The following ADAM12 variants were observed in gnomAD, a reference collection of about 807,000 sequenced individuals.
ADAM12 encodes the protein ADAM metallopeptidase domain 12, also known as disintegrin and metalloproteinase domain-containing protein 12.
In ADAM12, 70 loss-of-function variants were observed where a neutral mutation model predicts 106.4. That is an observed-to-expected ratio of 0.66 (90% CI 0.54 to 0.80). The LOEUF is 0.80. Ranked by LOEUF, ADAM12 falls within the 30% of genes least tolerant of loss-of-function variation. The pLI, the probability that ADAM12 is intolerant of heterozygous loss-of-function variation, is 0.00. For missense variants in ADAM12, 1,010 were observed against 1,171.9 expected (o/e 0.86, Z 2.02); for synonymous variants, 420 against 433.5 (o/e 0.97, Z 0.39).
intron 3 of ADAM12, among the ~76,000 whole-genome samples, chr10:126,193,294 G>C: frequency 1.3e-5 from 1 of 74,574 alleles, no homozygotes; most frequent in East Asian, 4.6e-4. Context: ...AAAAAAAAAA[G>C]ACAAACCATA....
At position 126,022,829 on chromosome 10, in the gene ADAM12, G is replaced by C. The variant is rs553451899; in HGVS notation, c.2530-3004C>G. ...TTTTATGCCCTCTTAACTTCTTCCA[G>C]ATATTGAAGAAAAATCCAGGTATGC... is the stretch of plus-strand genomic sequence containing the variant. On this transcript the variant is annotated intron_variant, in intron 21 of 22. Transcript: ENST00000448723. Among the ~76,000 whole-genome samples, 6 of 152,300 alleles carry C rather than the reference G, an allele frequency of 3.9e-5. No individual in the cohort carries two copies. The East Asian group carries it at 5.8e-4, about 15-fold the overall frequency.
chr10:126,163,520 A>C (rs1037572531), intron 3 of ADAM12, among the ~76,000 whole-genome samples: 2 of 152,260 alleles, frequency 1.3e-5, no homozygotes, highest in Non-Finnish European at 2.9e-5. Context: ...ATTGACTCAA[A>C]ACATGAATGA....
intron 18 of ADAM12, chr10:126,041,816 G>A: frequency 8.6e-7 from 1 of 1,169,464 alleles, no homozygotes; most frequent in Non-Finnish European, 1.1e-6. Flanking sequence ...CCAGACTTTT[G>A]AGTCCTCTTC....
chr10:126,176,527 C>T (rs1957222365), intron 3 of ADAM12, among the ~76,000 whole-genome samples: 1 of 152,214 alleles, frequency 6.6e-6, no homozygotes, highest in Admixed American at 6.5e-5. Context: ...TGCAAGAACT[C>T]TGAATCACTC....
intron 1 of ADAM12, among the ~76,000 whole-genome samples, chr10:126,387,304 C>T (rs899182910): frequency 3.3e-5 from 5 of 152,076 alleles, no homozygotes; most frequent in Admixed American, 3.3e-4. Flanking sequence ...GGCTACAACT[C>T]GGGAAAACCT....
intron 3 of ADAM12, among the ~76,000 whole-genome samples, chr10:126,255,816 G>A (rs1340914574): frequency 6.6e-6 from 1 of 152,188 alleles, no homozygotes; most frequent in African/African-American, 2.4e-5. Flanking sequence ...TGTCTGCACA[G>A]AGGCAGCAGA....
intron 6 of ADAM12, among the ~76,000 whole-genome samples, 156 bp from the exon 7 acceptor site, chr10:126,109,996 T>G (rs1368125214): frequency 6.6e-6 from 1 of 151,836 alleles, no homozygotes; most frequent in East Asian, 1.9e-4. Flanking sequence ...TTACCCCAAC[T>G]CCAACCAACT....
At chr10:126,317,531 G>A (rs1308286312) in intron 2 of ADAM12, among the ~76,000 whole-genome samples, 1 of 152,162 alleles carries the variant, frequency 6.6e-6, no homozygotes, top group Non-Finnish European at 1.5e-5. Flanking sequence ...CAGAAAGGCA[G>A]CCTTGAGGCA....
chr10:126,306,939 A>T (rs1025666671), intron 2 of ADAM12, among the ~76,000 whole-genome samples: 19 of 152,190 alleles, frequency 1.2e-4, no homozygotes, highest in Non-Finnish European at 2.9e-5. Context: ...TTATCTCCTT[A>T]GACATTGCTT....
At chr10:126,317,034 C>T (rs1199474527) in intron 2 of ADAM12, among the ~76,000 whole-genome samples, 3 of 152,108 alleles carry the variant, frequency 2.0e-5, no homozygotes, top group Admixed American at 6.6e-5. Flanking sequence ...GTTAAATTCA[C>T]GCTGGTGGGT....
chr10:126,362,210 G>A (rs1420544138), intron 1 of ADAM12, among the ~76,000 whole-genome samples: 1 of 151,956 alleles, frequency 6.6e-6, no homozygotes, highest in African/African-American at 2.4e-5. Context: ...TAATCATTAG[G>A]GAAATGCCAA....
intron 3 of ADAM12, among the ~76,000 whole-genome samples, chr10:126,214,229 A>G (rs1224431030): frequency 6.6e-6 from 1 of 152,240 alleles, no homozygotes; most frequent in Non-Finnish European, 1.5e-5. Flanking sequence ...CACCAGATGC[A>G]GAATGACAAG....
chr10:126,149,937 T>C (rs567395927), intron 4 of ADAM12, among the ~76,000 whole-genome samples: 2 of 152,318 alleles, frequency 1.3e-5, no homozygotes, highest in East Asian at 3.9e-4. Flanking sequence ...CCTTCATATA[T>C]ACATCTGTCC....
At chr10:126,044,866 G>T (rs1048865828) in intron 17 of ADAM12, among the ~76,000 whole-genome samples, 1 of 152,206 alleles carries the variant, frequency 6.6e-6, no homozygotes, top group African/African-American at 2.4e-5. Context: ...TGCTGTGGAC[G>T]TACTAGCCCC....
At chr10:126,099,777 G>A (rs1055579873) in intron 9 of ADAM12, among the ~76,000 whole-genome samples, 2 of 152,146 alleles carry the variant, frequency 1.3e-5, no homozygotes, top group African/African-American at 4.8e-5. Flanking sequence ...GTGACAATGG[G>A]GTAGGACTGG....
At chr10:126,024,315 CTT>C (rs1439095722) in intron 21 of ADAM12, among the ~76,000 whole-genome samples, 1 of 152,084 alleles carries the variant, frequency 6.6e-6, no homozygotes, top group Non-Finnish European at 1.5e-5. Flanking sequence ...ATATCTGAAA[CTT>C]AAATAGGCAT....
intron 10 of ADAM12, among the ~76,000 whole-genome samples, chr10:126,094,988 A>G (rs1272097724): frequency 6.6e-6 from 1 of 152,220 alleles, no homozygotes; most frequent in African/African-American, 2.4e-5. Flanking sequence ...TTACAAACTG[A>G]AATTAGTTAA....
intron 6 of ADAM12, among the ~76,000 whole-genome samples, chr10:126,113,226 G>A (rs775548087): frequency 9.9e-5 from 15 of 152,160 alleles, no homozygotes; most frequent in African/African-American, 1.4e-4. Flanking sequence ...GCAACAGGCC[G>A]TATGGCTGGA....
intron 1 of ADAM12, among the ~76,000 whole-genome samples, chr10:126,356,025 G>A (rs1227195266): frequency 6.6e-6 from 1 of 152,184 alleles, no homozygotes; most frequent in Non-Finnish European, 1.5e-5. Context: ...TTTTGGTAAA[G>A]AGCAAGAGCT....
Sources: allele counts gnomAD v4.1 joint callset (sites outside exome capture counted in the v4.1 genomes callset), GRCh38; gene constraint gnomAD v4.1.1; transcripts MANE v1.5; gene names NCBI Gene and HGNC (gene_info 2026-07-23, HGNC 2026-07-21).